The following ATP11A variants were observed in gnomAD, a reference collection of about 807,000 sequenced individuals.
ATP11A encodes phospholipid-transporting ATPase IH.
Under a neutral mutation model 154.4 loss-of-function variants are expected in ATP11A, and 81 were observed. The observed-to-expected ratio is 0.52, with a 90% CI of 0.44 to 0.63. The LOEUF (loss-of-function observed/expected upper bound fraction) is 0.63, where lower values mean the gene tolerates loss of function less well. Among genes scored for constraint, ATP11A ranks in the 30% least tolerant of loss-of-function variants. ATP11A has a pLI of 0.00. For synonymous variants in ATP11A, 623 were observed against 585.9 expected, an observed-to-expected ratio of 1.06 and a Z score of -0.91; for missense variants, 1,316 against 1,474.3, an observed-to-expected ratio of 0.89 and a Z score of 1.76.
At chr13:112,751,217 A>C (rs1413499502) in intron 1 of ATP11A, among the ~76,000 whole-genome samples, 1 of 152,184 alleles carries the variant, frequency 6.6e-6, no homozygotes, top group Non-Finnish European at 1.5e-5. Flanking sequence ...CTGTGTCGAA[A>C]GGCATGTGTC....
chr13:112,851,283 G>A (rs59022551), intron 18 of ATP11A, 65 bp downstream of exon 18: 111 of 1,532,362 alleles, frequency 7.2e-5, no homozygotes, highest in South Asian at 7.1e-5. Flanking sequence ...GGCCCAGGGC[G>A]TGTGAGGGCG....
At chr13:112,868,404 C>T (rs2080407350) in intron 25 of ATP11A, among the ~76,000 whole-genome samples, 1 of 152,180 alleles carries the variant, frequency 6.6e-6, no homozygotes, top group African/African-American at 2.4e-5. Context: ...TAGGAATACC[C>T]ATTCTCAAAG....
chr13:112,868,860 C>A (rs770160893), intron 25 of ATP11A, among the ~76,000 whole-genome samples: 2 of 152,124 alleles, frequency 1.3e-5, no homozygotes, highest in Non-Finnish European at 2.9e-5. Flanking sequence ...AGGAAACTTA[C>A]AATCATGGCG....
intron 17 of ATP11A, among the ~76,000 whole-genome samples, chr13:112,849,621 A>C (rs532256454): frequency 6.6e-6 from 1 of 152,246 alleles, no homozygotes; most frequent in Non-Finnish European, 1.5e-5. Context: ...TGCAATTCGC[A>C]TTTATGTCTC....
intron 25 of ATP11A, among the ~76,000 whole-genome samples, chr13:112,863,713 G>A (rs1354771120): frequency 8.5e-6 from 1 of 117,348 alleles, no homozygotes; most frequent in Non-Finnish European, 1.7e-5. Flanking sequence ...CAGCTTCCCA[G>A]CGGGGTCCAT....
chr13:112,858,423 G>A, intron 22 of ATP11A, 133 bp downstream of exon 22: 1 of 949,486 alleles, frequency 1.1e-6, no homozygotes, highest in Non-Finnish European at 1.5e-6. Context: ...AGAAAGGAAG[G>A]GGTGAATCTG....
intron 1 of ATP11A, among the ~76,000 whole-genome samples, chr13:112,782,496 A>G (rs1368535061): frequency 5.3e-5 from 8 of 152,200 alleles, no homozygotes; most frequent in Non-Finnish European, 8.8e-5. Flanking sequence ...GAGAATGAGA[A>G]GCATCTATTT....
intron 1 of ATP11A, among the ~76,000 whole-genome samples, chr13:112,738,877 C>A (rs1419554516): frequency 7.2e-6 from 1 of 138,448 alleles, no homozygotes; most frequent in Non-Finnish European, 1.5e-5. Flanking sequence ...AGTTCTGGGG[C>A]CTGCTGTATG....
chr13:112,752,713 T>G (rs2076723761), intron 1 of ATP11A, among the ~76,000 whole-genome samples: 2 of 152,156 alleles, frequency 1.3e-5, no homozygotes, highest in Admixed American at 1.3e-4. Flanking sequence ...CGTAATGTAG[T>G]TTAATAGCCT....
At chr13:112,841,719 T>C (rs1275936574) in intron 16 of ATP11A, among the ~76,000 whole-genome samples, 8 of 152,266 alleles carry the variant, frequency 5.3e-5, no homozygotes. Context: ...CTGCAGTGCC[T>C]GGAAGAGAAA....
intron 1 of ATP11A, among the ~76,000 whole-genome samples, chr13:112,704,864 G>T (rs147069924): frequency 6.6e-6 from 1 of 152,368 alleles, no homozygotes; most frequent in East Asian, 1.9e-4. Flanking sequence ...CTAGATTTTG[G>T]TGTGGTTTTC....
In ATP11A at chr13:112,860,285, A is replaced by G; in HGVS notation, c.2728-2A>G. On this transcript the variant is annotated splice_acceptor_variant, in intron 23 of 29. Coordinates refer to ENST00000375645, the MANE Select transcript of ATP11A (RefSeq NM_015205.3). LOFTEE classifies it high-confidence loss of function. The stretch of plus-strand genomic sequence containing the variant: ...CCACTTCTTGTGACTTTCCTCTTAC[A>G]GACTTTGTACGACACCGCGTATCTG... The G allele has an allele frequency of 6.2e-7, 1 of 1,612,258 alleles. No homozygotes were observed. Among genetic ancestry groups the G allele is most frequent in the Non-Finnish European group, 8.5e-7 (1 of 1,178,762 alleles).
intron 20 of ATP11A, among the ~76,000 whole-genome samples, chr13:112,857,183 G>A (rs9549574): frequency 0.32 from 48,210 of 151,978 alleles, 8,191 homozygotes; most frequent in African/African-American, 0.43. Context: ...AGGCACCCAC[G>A]TTTCCCCCCA....
At chr13:112,781,521 TGTC>T (rs113921683) in intron 1 of ATP11A, among the ~76,000 whole-genome samples, 2,105 of 152,288 alleles carry the variant, frequency 0.014, 52 homozygotes, top group African/African-American at 0.047. Context: ...AATCCCTTCA[TGTC>T]GCTGCTGACA....
At chr13:112,702,938 A>G (rs772946345) in intron 1 of ATP11A, among the ~76,000 whole-genome samples, 10 of 152,266 alleles carry the variant, frequency 6.6e-5, no homozygotes, top group Non-Finnish European at 1.3e-4. Flanking sequence ...GAATGTGACT[A>G]TGGAATGAAT....
intron 5 of ATP11A, among the ~76,000 whole-genome samples, chr13:112,811,188 A>G (rs1343757810): frequency 2.7e-5 from 4 of 150,766 alleles, no homozygotes; most frequent in Non-Finnish European, 4.4e-5. Context: ...ACACACACAC[A>G]CACACACACA....
Position 112,860,293 on chromosome 13 carries a change from T to G in ATP11A, c.2734T>G (p.Tyr912Asp). Reference sequence around the variant, plus strand: ...TGTGACTTTCCTCTTACAGACTTTGTACGACACCGCGTATCTGACCCTCTA... The same window carrying G: ...TGTGACTTTCCTCTTACAGACTTTGGACGACACCGCGTATCTGACCCTCTA... ...FFCGFSQQTLYDTAYLTLYNI... is the reference protein window; with the variant it reads ...FFCGFSQQTLDDTAYLTLYNI... Residue 912 changes from tyrosine (Y) to aspartate (D), a missense_variant, in exon 24 of 30, where the codon TAC becomes GAC. Physicochemically the swap from Tyr to Asp is radical, Grantham distance 160. Around this residue, in one of 5 missense-constraint regions of ATP11A, gnomAD observed 294 missense variants for 290.2 expected, o/e 1.01. Transcript: ENST00000375645. The G allele has an allele frequency of 6.2e-7, 1 of 1,613,914 alleles. No individual in the cohort carries two copies. Among genetic ancestry groups the G allele is most frequent in the Non-Finnish European group, 8.5e-7 (1 of 1,179,828 alleles).
In ATP11A at chr13:112,814,103, G is replaced by A. The variant is rs578186295; in HGVS notation, c.442-1980G>A. 1.0e-4 allele frequency among the ~76,000 whole-genome samples: 15 copies of A among 150,024 alleles called. No individual in the cohort carries two copies. The South Asian group carries it at 3.0e-3, about 30-fold the overall frequency. On this transcript the variant is annotated intron_variant, in intron 5 of 29. Coordinates refer to ENST00000375645, the MANE Select transcript of ATP11A (RefSeq NM_015205.3). ...TTTGAGACAGAGTCTTGCTCTTGTT[G>A]CCCAGGCTGGAATGCAGTGGCGCAA...
intron 4 of ATP11A, among the ~76,000 whole-genome samples, chr13:112,806,868 A>G (rs1446944891): frequency 6.6e-6 from 1 of 151,984 alleles, no homozygotes; most frequent in Non-Finnish European, 1.5e-5. Context: ...TATTCTAAAC[A>G]TTTCGTACTC....
Sources: allele counts gnomAD v4.1 joint callset (sites outside exome capture counted in the v4.1 genomes callset), GRCh38; gene constraint gnomAD v4.1.1; regional missense constraint gnomAD v4.1.1; transcripts MANE v1.5; gene names NCBI Gene and HGNC (gene_info 2026-07-23, HGNC 2026-07-21).